Variants in LPP observed in about 807,000 individuals in gnomAD.
LPP encodes lipoma-preferred partner.
LPP carries 38 observed loss-of-function variants against 60.4 expected under a neutral mutation model. The ratio of observed to expected loss-of-function variants is 0.63; its 90% confidence interval spans 0.49 to 0.83. The LOEUF is 0.83. LPP is among the 40% of genes least tolerant of loss of function. The pLI, the probability that LPP is intolerant of heterozygous loss-of-function variation, is 0.00. For missense variants in LPP, 902 were observed against 783.6 expected (o/e 1.15, Z -1.80); for synonymous variants, 328 against 290.8 (o/e 1.13, Z -1.30).
At chr3:188,318,424 A>AC (rs1755775916) in intron 2 of LPP, among the ~76,000 whole-genome samples, 1 of 147,348 alleles carries the variant, frequency 6.8e-6, no homozygotes, top group South Asian at 2.1e-4. Flanking sequence ...AAAACAAAAA[A>AC]AAAAAAGAAA....
intron 2 of LPP, among the ~76,000 whole-genome samples, chr3:188,235,653 T>C (rs1441012423): frequency 6.6e-6 from 1 of 152,212 alleles, no homozygotes; most frequent in Non-Finnish European, 1.5e-5. Flanking sequence ...CACTTAGCAT[T>C]ATTGAAGGAA....
At position 188,808,972 on chromosome 3, in the gene LPP, G is replaced by A. The variant is rs12638383; in HGVS notation, c.1410+48690G>A. Among the ~76,000 whole-genome samples, 13 of 152,212 alleles carry A rather than the reference G, an allele frequency of 8.5e-5. No individual in the cohort carries two copies. The East Asian group carries it at 2.5e-3, about 29-fold the overall frequency. ...CCTGTGTTAGTTTGCTGAGGATGATGGCTTCCAGCTTCATCCATGTCACTG... is the reference window on the plus strand; with the variant it reads ...CCTGTGTTAGTTTGCTGAGGATGATAGCTTCCAGCTTCATCCATGTCACTG... On this transcript the variant is annotated intron_variant, in intron 9 of 11. Coordinates refer to ENST00000617246, the MANE Select transcript of LPP (RefSeq NM_001375462.1).
intron 4 of LPP, among the ~76,000 whole-genome samples, chr3:188,432,074 G>A (rs1791032293): frequency 6.6e-6 from 1 of 152,018 alleles, no homozygotes; most frequent in Non-Finnish European, 1.5e-5. Flanking sequence ...TGTATGCCGG[G>A]TATCTGGTAT....
At chr3:188,365,804 A>G (rs1770985209) in intron 3 of LPP, among the ~76,000 whole-genome samples, 1 of 151,898 alleles carries the variant, frequency 6.6e-6, no homozygotes, top group African/African-American at 2.4e-5. Context: ...TAGTTAAGGT[A>G]TACAACATAT....
At chr3:188,672,867 G>T (rs1306428983) in intron 7 of LPP, among the ~76,000 whole-genome samples, 1 of 152,102 alleles carries the variant, frequency 6.6e-6, no homozygotes, top group South Asian at 2.1e-4. Flanking sequence ...TGGAGGAATT[G>T]AGTCAATATA....
chr3:188,368,661 A>G (rs950011084), intron 3 of LPP, among the ~76,000 whole-genome samples: 2 of 146,974 alleles, frequency 1.4e-5, no homozygotes, highest in Non-Finnish European at 3.0e-5. Context: ...TAACTGTTAT[A>G]CTACAAACAC....
intron 9 of LPP, among the ~76,000 whole-genome samples, chr3:188,863,275 A>G (rs1248692755): frequency 4.6e-5 from 7 of 152,238 alleles, no homozygotes; most frequent in Non-Finnish European, 4.4e-5. Flanking sequence ...TATTTACCCA[A>G]TGTCATACAG....
intron 7 of LPP, among the ~76,000 whole-genome samples, chr3:188,688,373 A>G (rs566843179): frequency 6.6e-6 from 1 of 152,334 alleles, no homozygotes; most frequent in East Asian, 1.9e-4. Context: ...CTTCAGTTGG[A>G]TAAATCTACC....
chr3:188,186,185 A>G (rs1411829650), intron 1 of LPP, among the ~76,000 whole-genome samples: 1 of 152,062 alleles, frequency 6.6e-6, no homozygotes, highest in Non-Finnish European at 1.5e-5. Context: ...TATAGCTCCA[A>G]CCCCCAGGCC....
At chr3:188,781,847 A>G (rs1355034224) in intron 9 of LPP, among the ~76,000 whole-genome samples, 7 of 150,128 alleles carry the variant, frequency 4.7e-5, no homozygotes, top group Admixed American at 1.3e-4. Flanking sequence ...AGCTGAGATC[A>G]TGCCACTGCA....
At chr3:188,575,178 G>A (rs965406565) in intron 6 of LPP, among the ~76,000 whole-genome samples, 5 of 152,100 alleles carry the variant, frequency 3.3e-5, no homozygotes, top group African/African-American at 7.2e-5. Flanking sequence ...CATGAGCACT[G>A]CTGTATAACA....
chr3:188,273,781 A>G (rs113283128), intron 2 of LPP, among the ~76,000 whole-genome samples: 6,586 of 151,654 alleles, frequency 0.043, 495 homozygotes, highest in African/African-American at 0.15. Flanking sequence ...TTTTTAGTAG[A>G]GATGGGGTTT....
intron 3 of LPP, among the ~76,000 whole-genome samples, chr3:188,402,977 G>A (rs549260296): frequency 6.6e-5 from 10 of 152,182 alleles, no homozygotes; most frequent in Non-Finnish European, 1.5e-4. Context: ...AACACAGCAT[G>A]AGCAAGGGTT....
intron 9 of LPP, among the ~76,000 whole-genome samples, chr3:188,797,782 A>G (rs1410272844): frequency 6.6e-6 from 1 of 152,172 alleles, no homozygotes; most frequent in African/African-American, 2.4e-5. Context: ...ATGCATTTAT[A>G]TGTGTATGTA....
intron 6 of LPP, among the ~76,000 whole-genome samples, chr3:188,549,865 C>T (rs988726590): frequency 7.9e-5 from 12 of 152,192 alleles, no homozygotes; most frequent in Non-Finnish European, 1.6e-4. Flanking sequence ...CATCAATTCT[C>T]GAACCCTGTT....
In LPP at chr3:188,156,818, C is replaced by G. The variant is rs1428434612; in HGVS notation, c.-190+2566C>G. Among the ~76,000 whole-genome samples the G allele has an allele frequency of 2.7e-5, 4 of 150,578 alleles. No individual in the cohort carries two copies. The East Asian group carries it at 7.9e-4, about 30-fold the overall frequency. The stretch of plus-strand genomic sequence containing the variant: ...CACCATTGCACTCTAGCCTGGGTGA[C>G]AGAGTGAGACTCCATTTCCTCTGCT... On this transcript the variant is annotated intron_variant, in intron 1 of 11. Transcript: ENST00000617246.
chr3:188,874,954 G>C lies in LPP; in HGVS notation c.*475G>C, dbSNP rs1315228429. On this transcript the variant is annotated 3_prime_UTR_variant, in exon 12 of 12. Coordinates refer to ENST00000617246, the MANE Select transcript of LPP (RefSeq NM_001375462.1). The stretch of plus-strand genomic sequence containing the variant: ...CATTCTTTTCCCATGTATTGAAGAG[G>C]ATATTCTTCTCTTGCTTTATACTAC... 9 of 227,984 alleles carry C rather than the reference G, an allele frequency of 3.9e-5. No homozygotes were observed. Among genetic ancestry groups the C allele is most frequent in the Non-Finnish European group, 7.9e-5 (9 of 114,530 alleles). 14.1% of individuals were successfully genotyped at this position (227,984 alleles called of 1,614,324 possible). A position where few individuals can be genotyped will look rare whatever the true frequency, so the allele number is the denominator to read the frequency against.
intron 7 of LPP, among the ~76,000 whole-genome samples, chr3:188,629,885 C>T (rs1042772746): frequency 6.6e-6 from 1 of 152,046 alleles, no homozygotes; most frequent in Non-Finnish European, 1.5e-5. Flanking sequence ...AAAACAGACA[C>T]ATAAACCAAT....
intron 3 of LPP, among the ~76,000 whole-genome samples, chr3:188,368,682 TCACACACA>T (rs1289084950): frequency 0.01 from 1,311 of 129,442 alleles, 21 homozygotes; most frequent in African/African-American, 0.034. Context: ...ACACACACTC[TCACACACA>T]CACACACACA....
Sources: gnomAD v4.1 joint callset for allele counts (sites outside exome capture counted in the v4.1 genomes callset) on GRCh38, gnomAD v4.1.1 for gene constraint, MANE v1.5 for transcripts, NCBI Gene and HGNC (gene_info 2026-07-23, HGNC 2026-07-21) for gene names.